ZNF420: variants seen among roughly 807,000 people sequenced by gnomAD.
ZNF420 encodes the protein ATM and p53-associated KZNF protein.
Under a neutral mutation model 44.7 loss-of-function variants are expected in ZNF420, and 31 were observed. That is an observed-to-expected ratio of 0.69 (90% confidence interval 0.52 to 0.94). ZNF420 has a LOEUF of 0.94. Ranked by LOEUF, ZNF420 falls within the 40% of genes least tolerant of loss-of-function variation. The pLI, the probability that ZNF420 is intolerant of heterozygous loss-of-function variation, is 0.00. For missense variants in ZNF420, 681 were observed against 827.9 expected (o/e 0.82, Z 2.18); for synonymous variants, 245 against 267.4 (o/e 0.92, Z 0.82).
At chr19:37,080,273 GTA>G (rs1968363935) in intron 1 of ZNF420, 70 bp from the exon 2 acceptor site, 1 of 152,586 alleles carries the variant, frequency 6.6e-6, no homozygotes, top group Non-Finnish European at 1.5e-5. Flanking sequence ...GAGGAAGAGG[GTA>G]TGTTATAATT....
intron 1 of ZNF420, among the ~76,000 whole-genome samples, chr19:37,035,083 A>T (rs1305846660): frequency 6.6e-6 from 1 of 152,248 alleles, no homozygotes; most frequent in Non-Finnish European, 1.5e-5. Context: ...GTTCCTACAT[A>T]GACAAAATGA....
rs749013243 is a variant in ZNF420, at chr19:37,091,058, T to A, written c.73T>A (p.Ser25Thr). Reference sequence around the variant, plus strand: ...TCAGGAAGAGTGGGAATGCCTGGACTCTGCTCAGAGAGATTTGTATAGAGA... The same window carrying A: ...TCAGGAAGAGTGGGAATGCCTGGACACTGCTCAGAGAGATTTGTATAGAGA... ...FSQEEWECLD[S>T]AQRDLYRDVM... The change falls in exon 4 of 5, where the codon TCT becomes ACT. Residue 25 changes from serine (S) to threonine (T), a missense_variant. Physicochemically the swap from Ser to Thr is moderately conservative, Grantham distance 58. Around this residue, in one of 3 missense-constraint regions of ZNF420, gnomAD observed 350 missense variants for 382.5 expected, o/e 0.92. Transcript: ENST00000337995. 1 of 1,613,354 alleles carries A rather than the reference T, an allele frequency of 6.2e-7. No individual in the cohort carries two copies. Among genetic ancestry groups the A allele is most frequent in the Non-Finnish European group, 8.5e-7 (1 of 1,179,786 alleles).
Position 37,126,438 on chromosome 19 carries a change from C to T in ZNF420, c.137-690C>T, listed in dbSNP as rs142670918. Among the ~76,000 whole-genome samples, 14 of 152,016 alleles carry T rather than the reference C, an allele frequency of 9.2e-5. No homozygotes were observed. The East Asian group carries it at 2.5e-3, about 27-fold the overall frequency. ...AACAGATACATAAGCAAGGAGAAGA[C>T]CATGGAAGGGGAAATAAGTCAAAGT... is the stretch of plus-strand genomic sequence containing the variant. On this transcript the variant is annotated intron_variant, in intron 4 of 4. Coordinates refer to ENST00000337995, the MANE Select transcript of ZNF420 (RefSeq NM_144689.5).
intron 4 of ZNF420, among the ~76,000 whole-genome samples, chr19:37,101,763 C>A (rs1334077553): frequency 6.6e-6 from 1 of 152,232 alleles, no homozygotes; most frequent in Non-Finnish European, 1.5e-5. Flanking sequence ...GGAGTCCAGA[C>A]AGGGACCTGA....
intron 1 of ZNF420, among the ~76,000 whole-genome samples, chr19:37,050,747 C>A (rs1350387665): frequency 6.6e-6 from 1 of 152,218 alleles, no homozygotes; most frequent in Non-Finnish European, 1.5e-5. Flanking sequence ...ACTTCCAACA[C>A]CATGTTGAAT....
intron 4 of ZNF420, among the ~76,000 whole-genome samples, chr19:37,119,631 C>T (rs1165333584): frequency 2.0e-5 from 3 of 151,814 alleles, no homozygotes; most frequent in African/African-American, 7.3e-5. Context: ...CAGAGCAGAA[C>T]TGAAGGAAAT....
intron 3 of ZNF420, among the ~76,000 whole-genome samples, chr19:37,090,224 G>A (rs540888319): frequency 1.3e-5 from 2 of 152,300 alleles, no homozygotes; most frequent in African/African-American, 4.8e-5. Context: ...TGTGTAGCAG[G>A]CCAGGTGCAG....
intron 1 of ZNF420, among the ~76,000 whole-genome samples, chr19:37,040,478 G>T (rs1356329893): frequency 1.3e-5 from 2 of 152,042 alleles, no homozygotes; most frequent in Non-Finnish European, 1.5e-5. Flanking sequence ...TATAGAATTG[G>T]TTTATTGTAA....
intron 1 of ZNF420, among the ~76,000 whole-genome samples, chr19:37,058,049 C>G (rs1194539922): frequency 6.6e-6 from 1 of 152,174 alleles, no homozygotes; most frequent in Non-Finnish European, 1.5e-5. Flanking sequence ...GATCTGGCCT[C>G]TGCTCTGTCC....
intron 4 of ZNF420, among the ~76,000 whole-genome samples, chr19:37,100,706 T>A (rs1287431634): frequency 8.2e-6 from 1 of 122,158 alleles, no homozygotes; most frequent in Non-Finnish European, 1.7e-5. Context: ...AGAGCAAAAC[T>A]CCATCTCAAA....
chr19:37,059,788 GTC>G (rs1967836594), intron 1 of ZNF420, among the ~76,000 whole-genome samples: 1 of 151,822 alleles, frequency 6.6e-6, no homozygotes, highest in African/African-American at 2.4e-5. Context: ...CTCTGTCTCT[GTC>G]TCTTTCTCTC....
intron 2 of ZNF420, among the ~76,000 whole-genome samples, chr19:37,084,852 G>T (rs1968665816): frequency 6.6e-6 from 1 of 151,992 alleles, no homozygotes; most frequent in African/African-American, 2.4e-5. Flanking sequence ...AAAAATCTGT[G>T]GTCCAGTCTC....
intron 1 of ZNF420, among the ~76,000 whole-genome samples, chr19:37,060,148 T>C (rs1967849889): frequency 6.6e-6 from 1 of 152,038 alleles, no homozygotes; most frequent in African/African-American, 2.4e-5. Flanking sequence ...CCATCCTGAG[T>C]GGTCTATTCT....
intron 1 of ZNF420, among the ~76,000 whole-genome samples, chr19:37,063,052 A>T (rs1341218286): frequency 6.6e-6 from 1 of 151,828 alleles, no homozygotes; most frequent in Non-Finnish European, 1.5e-5. Flanking sequence ...ATAATTCAGA[A>T]GATATTTTTA....
At chr19:37,103,767 A>G (rs1416716480) in intron 4 of ZNF420, among the ~76,000 whole-genome samples, 1 of 152,206 alleles carries the variant, frequency 6.6e-6, no homozygotes, top group Non-Finnish European at 1.5e-5. Context: ...GTCTCTTCTA[A>G]CATGAACTTG....
intron 1 of ZNF420, among the ~76,000 whole-genome samples, chr19:37,079,701 T>G (rs543427125): frequency 1.6e-4 from 25 of 152,236 alleles, no homozygotes; most frequent in African/African-American, 5.8e-4. Flanking sequence ...AGGATGAGAA[T>G]TTTAGGGCTG....
rs556878358 is a variant in ZNF420 at position 37,113,141 on chromosome 19, T to TG, written c.137-13985dup. The stretch of plus-strand genomic sequence containing the variant: ...GGCCCCTCTTCTCGTTTCCCGACAA[T>TG]GGTTGCCCATTTTTATCAAATTTAG... On this transcript the variant is annotated intron_variant, in intron 4 of 4. Transcript: ENST00000337995. 1.5e-4 allele frequency among the ~76,000 whole-genome samples: 23 copies of TG among 152,330 alleles called. No individual in the cohort carries two copies. The East Asian group carries it at 4.2e-3, about 28-fold the overall frequency.
At chr19:37,040,123 T>G (rs147118670) in intron 1 of ZNF420, among the ~76,000 whole-genome samples, 1,923 of 152,302 alleles carry the variant, frequency 0.013, 20 homozygotes, top group Non-Finnish European at 0.021. Flanking sequence ...TCATCTACAT[T>G]GACAATCCAT....
chr19:37,075,620 T>G (rs1968132079), upstream of ZNF420, among the ~76,000 whole-genome samples: 1 of 151,994 alleles, frequency 6.6e-6, no homozygotes. Context: ...CAGGCGCCTG[T>G]AATCCCAGCT....
Sources: allele counts gnomAD v4.1 joint callset (sites outside exome capture counted in the v4.1 genomes callset), GRCh38; gene constraint gnomAD v4.1.1; regional missense constraint gnomAD v4.1.1; transcripts MANE v1.5; gene names NCBI Gene and HGNC (gene_info 2026-07-23, HGNC 2026-07-21).